HDAC11: variants seen among roughly 807,000 people sequenced by gnomAD.
HDAC11 encodes histone deacetylase 11.
In HDAC11, 23 loss-of-function variants were observed where a neutral mutation model predicts 41.1. The observed-to-expected ratio is 0.56, with a 90% CI of 0.40 to 0.79. HDAC11 has a LOEUF of 0.79. Among genes scored for constraint, HDAC11 ranks in the 30% least tolerant of loss-of-function variants. HDAC11 has a pLI of 0.00. For missense variants in HDAC11, 402 were observed against 477.3 expected, an observed-to-expected ratio of 0.84 and a Z score of 1.47; for synonymous variants, 187 against 186.6, an observed-to-expected ratio of 1.00 and a Z score of -0.02.
intron 3 of HDAC11, among the ~76,000 whole-genome samples, chr3:13,490,348 T>C (rs1701793265): frequency 1.3e-5 from 2 of 152,206 alleles, no homozygotes; most frequent in South Asian, 4.1e-4. Flanking sequence ...AGATTCCATG[T>C]GAATTATAGC....
chr3:13,480,590 G>A lies in HDAC11; in HGVS notation c.2+241G>A, dbSNP rs1036975353. On this transcript the variant is annotated intron_variant, in intron 1 of 9. Transcript: ENST00000295757. The surrounding 1 kb of genome is among the most constrained non-coding windows in gnomAD (Gnocchi z 4.6). ...GGCCGCGGGCCTGGGCCCGGACCCG[G>A]AGCGGTCGGGCGATGTGCGCGGGTC... is the stretch of plus-strand genomic sequence containing the variant. 1.0e-5 allele frequency: 3 copies of A among 299,650 alleles called. No individual in the cohort carries two copies. 18.6% of individuals were successfully genotyped at this position (299,650 alleles called of 1,614,324 possible). A position where few individuals can be genotyped will look rare whatever the true frequency, so the allele number is the denominator to read the frequency against.
intron 3 of HDAC11, among the ~76,000 whole-genome samples, chr3:13,485,521 C>G (rs1194644273): frequency 6.6e-6 from 1 of 152,200 alleles, no homozygotes; most frequent in East Asian, 1.9e-4. Flanking sequence ...GGCCTAGGTT[C>G]CAGGGCCCCA....
chr3:13,483,206 CT>C (rs1255116385), intron 2 of HDAC11, among the ~76,000 whole-genome samples: 1 of 152,142 alleles, frequency 6.6e-6, no homozygotes, highest in Non-Finnish European at 1.5e-5. Context: ...CTGAGCTCTC[CT>C]TGTGACTATC....
chr3:13,503,527 G>C (rs752729524), intron 8 of HDAC11, among the ~76,000 whole-genome samples: 6 of 152,258 alleles, frequency 3.9e-5, no homozygotes, highest in Non-Finnish European at 7.3e-5. Flanking sequence ...TCGCGCCATT[G>C]CACTCCAGCT....
intron 3 of HDAC11, among the ~76,000 whole-genome samples, chr3:13,494,166 C>T (rs902911101): frequency 2.0e-5 from 3 of 152,198 alleles, no homozygotes. Flanking sequence ...GAGAGAATGC[C>T]TTTCTCGTGG....
At chr3:13,501,632 C>T (rs1279982534) in intron 6 of HDAC11, 1 of 702,786 alleles carries the variant, frequency 1.4e-6, no homozygotes, top group Admixed American at 2.0e-5. Flanking sequence ...CCCTTCAGGG[C>T]ACAGGACATG....
intron 3 of HDAC11, among the ~76,000 whole-genome samples, chr3:13,486,698 C>T (rs759318310): frequency 1.1e-4 from 17 of 151,454 alleles, no homozygotes; most frequent in Admixed American, 2.0e-4. Flanking sequence ...CTGCCTCAGC[C>T]TCCCAAGTAG....
At chr3:13,492,949 GA>G (rs1276805367) in intron 3 of HDAC11, among the ~76,000 whole-genome samples, 2 of 152,202 alleles carry the variant, frequency 1.3e-5, no homozygotes, top group Non-Finnish European at 2.9e-5. Flanking sequence ...CAGAGGCACA[GA>G]GAAGTGAATT....
chr3:13,480,495 T>G lies in HDAC11; in HGVS notation c.2+146T>G. The G allele has an allele frequency of 2.5e-6, 1 of 402,922 alleles. No homozygotes were observed. Among genetic ancestry groups the G allele is most frequent in the Non-Finnish European group, 4.0e-6 (1 of 250,888 alleles). 25.0% of individuals were successfully genotyped at this position (402,922 alleles called of 1,614,324 possible). On this transcript the variant is annotated intron_variant, in intron 1 of 9. Coordinates refer to ENST00000295757, the MANE Select transcript of HDAC11 (RefSeq NM_024827.4). This position sits in a 1 kb window ranked among gnomAD's most constrained non-coding sequence, Gnocchi z 4.6. ...AGGGGTGAGGGACGCTCGGGACGGG[T>G]GTTTCCAGGCCCTCCCGGCGCGCCA... is the stretch of plus-strand genomic sequence containing the variant.
chr3:13,499,243 C>T (rs986734796), intron 5 of HDAC11, among the ~76,000 whole-genome samples: 23 of 152,192 alleles, frequency 1.5e-4, no homozygotes, highest in African/African-American at 4.8e-4. Flanking sequence ...GATCTCGGCT[C>T]ACCGCAACCT....
chr3:13,505,349 C>T lies in HDAC11; in HGVS notation c.*666C>T, dbSNP rs918839674. The T allele has an allele frequency of 1.9e-5, 3 of 156,004 alleles. No homozygotes were observed. The highest frequency in any genetic ancestry group is 6.2e-5 in the Admixed American group (1 of 16,160). 9.7% of individuals were successfully genotyped at this position (156,004 alleles called of 1,614,324 possible). A position where few individuals can be genotyped will look rare whatever the true frequency, so the allele number is the denominator to read the frequency against. The stretch of plus-strand genomic sequence containing the variant: ...TCTGGACCTGCCTTCCCAGGCCCTT[C>T]TGTGGGGGTGAAGGTGGGGAAGGCC... On this transcript the variant is annotated 3_prime_UTR_variant, in exon 10 of 10. Transcript: ENST00000295757.
Position 13,480,380 on chromosome 3 carries a change from G to T in HDAC11, c.2+31G>T, listed in dbSNP as rs1225226099. 1.7e-6 allele frequency: 2 copies of T among 1,189,020 alleles called. No homozygotes were observed. Among genetic ancestry groups the T allele is most frequent in the South Asian group, 4.2e-5 (1 of 23,862 alleles). The allele number at this position is 1,189,020 out of a possible 1,614,324, so 73.7% of individuals were successfully genotyped here. A position where few individuals can be genotyped will look rare whatever the true frequency, so the allele number is the denominator to read the frequency against. ...TGCCGCGGGGCGAGGGCGGGGGTGG[G>T]CTCCCAGGGGTCCCGGTGGGCGGGC... On this transcript the variant is annotated intron_variant, in intron 1 of 9. Coordinates refer to ENST00000295757, the MANE Select transcript of HDAC11 (RefSeq NM_024827.4). The surrounding 1 kb of genome is among the most constrained non-coding windows in gnomAD (Gnocchi z 4.6).
intron 2 of HDAC11, 73 bp downstream of exon 2, chr3:13,481,467 A>G (rs554306929): frequency 5.2e-6 from 8 of 1,546,838 alleles, no homozygotes; most frequent in Admixed American, 5.2e-5. Context: ...CATCCCCAAC[A>G]TAAGCCTCAG....
At chr3:13,497,661 A>T (rs909347135) in intron 4 of HDAC11, among the ~76,000 whole-genome samples, 1 of 152,188 alleles carries the variant, frequency 6.6e-6, no homozygotes, top group Non-Finnish European at 1.5e-5. Context: ...ATTTGGAGAT[A>T]GAGGAATGTT....
chr3:13,483,337 C>A, intron 2 of HDAC11, 127 bp from the exon 3 acceptor site: 1 of 725,108 alleles, frequency 1.4e-6, no homozygotes, highest in East Asian at 2.6e-5. Flanking sequence ...GCCCACAAGC[C>A]AGCAGTGCCT....
At chr3:13,496,657 A>G (rs879937183) in intron 3 of HDAC11, 79 bp from the exon 4 acceptor site, 3 of 883,468 alleles carry the variant, frequency 3.4e-6, no homozygotes, top group Non-Finnish European at 5.5e-6. Flanking sequence ...TCCTCAAGGC[A>G]TTTCCCGGGG....
At chr3:13,496,886 G>T in intron 4 of HDAC11, 34 bp downstream of exon 4, 1 of 1,299,970 alleles carries the variant, frequency 7.7e-7, no homozygotes, top group South Asian at 1.3e-5. Context: ...CTGGGCTGGG[G>T]GCCCCCACAC....
At chr3:13,482,361 A>C (rs572667475) in intron 2 of HDAC11, among the ~76,000 whole-genome samples, 11 of 152,346 alleles carry the variant, frequency 7.2e-5, no homozygotes, top group African/African-American at 2.6e-4. Flanking sequence ...CAACAGTATA[A>C]TTCAATCCAG....
chr3:13,485,044 C>A (rs991945760), intron 3 of HDAC11, among the ~76,000 whole-genome samples: 2 of 152,192 alleles, frequency 1.3e-5, no homozygotes, highest in Non-Finnish European at 2.9e-5. Context: ...CCAGCAGGCC[C>A]CTCTGCTCCA....
Sources: gnomAD v4.1 joint callset for allele counts (sites outside exome capture counted in the v4.1 genomes callset) on GRCh38, gnomAD v4.1.1 for gene constraint, Gnocchi (gnomAD v3.1) non-coding constraint, MANE v1.5 for transcripts, NCBI Gene and HGNC (gene_info 2026-07-23, HGNC 2026-07-21) for gene names.